MRPS23: variants seen among roughly 807,000 people sequenced by gnomAD.
The protein encoded by MRPS23 is small ribosomal subunit protein mS23.
Under a neutral mutation model 19.8 loss-of-function variants are expected in MRPS23, and 14 were observed. The observed-to-expected ratio is 0.71, with a 90% confidence interval of 0.47 to 1.11. The LOEUF is 1.11. Ranked by LOEUF, MRPS23 falls within the 50% of genes least tolerant of loss-of-function variation. The pLI, the probability that MRPS23 is intolerant of heterozygous loss-of-function variation, is 0.00. For synonymous variants in MRPS23, 113 were observed against 89.7 expected (o/e 1.26, Z -1.47); for missense variants, 242 against 236.7 (o/e 1.02, Z -0.15).
rs370017635 is a variant in MRPS23 at position 57,834,986 on chromosome 17, G to A, written c.*4797C>T. 9.8e-5 allele frequency: 15 copies of A among 152,306 alleles called. No homozygotes were observed. Among genetic ancestry groups the A allele is most frequent in the African/African-American group, 2.6e-4 (11 of 41,570 alleles). The allele number at this position is 152,306 out of a possible 1,614,324, so 9.4% of individuals were successfully genotyped here. The stretch of plus-strand genomic sequence containing the variant: ...TCAGGCCTACCCAATAAAGGCAGAG[G>A]CAGAGCTCTATAAAATTTGGTGAAT... On this transcript the variant is annotated 3_prime_UTR_variant, in exon 5 of 5. Coordinates refer to ENST00000313608, the MANE Select transcript of MRPS23 (RefSeq NM_016070.4).
chr17:57,846,084 T>TTG (rs2073771133), intron 2 of MRPS23, among the ~76,000 whole-genome samples: 2 of 204 alleles, frequency 9.8e-3, no homozygotes, highest in Non-Finnish European at 0.042. Flanking sequence ...GACATCTTTG[T>TTG]TTTTTTTTTT....
chr17:57,848,708 T>C (rs1282307592), intron 2 of MRPS23: 2 of 149,476 alleles, frequency 1.3e-5, no homozygotes, highest in Non-Finnish European at 3.0e-5. Flanking sequence ...TTCATCTGAG[T>C]GGCTTCAAAG....
Position 57,840,943 on chromosome 17 carries a change from C to T in MRPS23, c.403G>A (p.Val135Ile). The T allele has an allele frequency of 6.2e-7, 1 of 1,614,180 alleles. No homozygotes were observed. The highest frequency in any genetic ancestry group is 1.1e-5 in the South Asian group (1 of 91,070). Reference sequence around the variant, plus strand: ...ATACTCACAGTCCTTGCTTCGCCTACTCGTCTTAAAATGACACCTTCTGCC... The same window carrying T: ...ATACTCACAGTCCTTGCTTCGCCTATTCGTCTTAAAATGACACCTTCTGCC... ...LLAEGVILRRVGEARTQHGGS... is the reference protein window; with the variant it reads ...LLAEGVILRRIGEARTQHGGS... Residue 135 changes from valine to isoleucine, a missense_variant, in exon 4 of 5, where the codon GTA becomes ATA. Coordinates refer to ENST00000313608, the MANE Select transcript of MRPS23 (RefSeq NM_016070.4).
intron 2 of MRPS23, among the ~76,000 whole-genome samples, chr17:57,844,151 G>A (rs979265602): frequency 3.4e-5 from 5 of 146,946 alleles, no homozygotes; most frequent in African/African-American, 1.3e-4. Flanking sequence ...TAAGAGATGG[G>A]GTCTTGCCAT....
intron 2 of MRPS23, among the ~76,000 whole-genome samples, chr17:57,842,889 T>TATAC (rs1200368403): frequency 3.0e-5 from 3 of 98,408 alleles, no homozygotes; most frequent in African/African-American, 1.3e-4. Context: ...AATATATATA[T>TATAC]ATACACACAC....
chr17:57,847,506 C>T (rs2073783982), intron 2 of MRPS23, among the ~76,000 whole-genome samples: 2 of 150,582 alleles, frequency 1.3e-5, no homozygotes, highest in African/African-American at 4.9e-5. Context: ...ACTAAAAATA[C>T]AAAAAATTAG....
At chr17:57,844,746 GGAGA>G (rs1042074491) in intron 2 of MRPS23, among the ~76,000 whole-genome samples, 1 of 146,830 alleles carries the variant, frequency 6.8e-6, no homozygotes, top group Non-Finnish European at 1.5e-5. Flanking sequence ...CTCCAGCCTG[GGAGA>G]GAGAGAGAGA....
intron 1 of MRPS23, 117 bp from the exon 2 acceptor site, chr17:57,849,527 G>T: frequency 8.1e-7 from 1 of 1,231,518 alleles, no homozygotes; most frequent in South Asian, 1.5e-5. Flanking sequence ...CACAGAACGG[G>T]GAAGGACTGC....
Position 57,839,224 on chromosome 17 carries a change from T to TA in MRPS23, c.*558dup, listed in dbSNP as rs1300695866. 1.4e-4 allele frequency: 22 copies of TA among 152,826 alleles called. No individual in the cohort carries two copies. The highest frequency in any genetic ancestry group is 5.3e-4 in the African/African-American group (22 of 41,464). The allele number at this position is 152,826 out of a possible 1,614,324, so 9.5% of individuals were successfully genotyped here. On this transcript the variant is annotated 3_prime_UTR_variant, in exon 5 of 5. Transcript: ENST00000313608. The stretch of plus-strand genomic sequence containing the variant: ...CACACTCAATCCATGACATTAAAGT[T>TA]ACAGTTTTGGTCTTTGTGTATCAGC...
Position 57,836,208 on chromosome 17 carries a change from A to G in MRPS23, c.*3575T>C, listed in dbSNP as rs2685489. The stretch of plus-strand genomic sequence containing the variant: ...GACTTCAAGTGATCTACCCATCTTG[A>G]CTTCCCAAAGTGCTGGGATTACATG... On this transcript the variant is annotated 3_prime_UTR_variant, in exon 5 of 5. Transcript: ENST00000313608. 149,629 of 152,200 alleles carry G rather than the reference A, an allele frequency of 0.98. 73,598 individuals carry two copies. Among genetic ancestry groups the G allele is most frequent in the East Asian group, 1 (5,164 of 5,164 alleles). 9.4% of individuals were successfully genotyped at this position (152,200 alleles called of 1,614,324 possible).
intron 2 of MRPS23, among the ~76,000 whole-genome samples, chr17:57,843,268 CAAAAA>C (rs11290064): frequency 1.4e-5 from 2 of 138,332 alleles, no homozygotes. Flanking sequence ...GATCCTGCCT[CAAAAA>C]AAAAAAAAAA....
At position 57,835,952 on chromosome 17, in the gene MRPS23, C is replaced by CTTTTTTTTTT. The variant is rs11304363; in HGVS notation, c.*3821_*3830dup. On this transcript the variant is annotated 3_prime_UTR_variant, in exon 5 of 5. Transcript: ENST00000313608. ...ATAAGAATTTCTGCCCTCCTTTATACTTTTTTTTTTTTTTTTTTTGAGACA... is the reference window on the plus strand; with the variant it reads ...ATAAGAATTTCTGCCCTCCTTTATACTTTTTTTTTTTTTTTTTTTTTTTTTTTTTGAGACA... 1.5e-5 allele frequency: 2 copies of CTTTTTTTTTT among 135,256 alleles called. No homozygotes were observed. Among genetic ancestry groups the CTTTTTTTTTT allele is most frequent in the Non-Finnish European group, 1.6e-5 (1 of 62,630 alleles). The allele number at this position is 135,256 out of a possible 1,614,324, so 8.4% of individuals were successfully genotyped here.
At chr17:57,841,299 T>C (rs147282209) in intron 2 of MRPS23, 39 bp from the exon 3 acceptor site, 37,728 of 1,579,834 alleles carry the variant, frequency 0.024, 554 homozygotes, top group Middle Eastern at 0.045. Flanking sequence ...TCTCCGATTA[T>C]AGACTGTGGA....
rs9908668 is a variant in MRPS23, at chr17:57,838,579, C to T, written c.*1204G>A. ...TGGTCTCAATGGTTGTGTAATGTCT[C>T]TGAATGGATGAAATTTACTTCCCTA... On this transcript the variant is annotated 3_prime_UTR_variant, in exon 5 of 5. Transcript: ENST00000313608. 0.65 allele frequency: 98,975 copies of T among 151,950 alleles called. 32,875 individuals carry two copies. The highest frequency in any genetic ancestry group is 0.97 in the East Asian group (4,991 of 5,172). The allele number at this position is 151,950 out of a possible 1,614,324, so 9.4% of individuals were successfully genotyped here. A position where few individuals can be genotyped will look rare whatever the true frequency, so the allele number is the denominator to read the frequency against.
intron 2 of MRPS23, among the ~76,000 whole-genome samples, chr17:57,847,907 A>G (rs2073787175): frequency 6.6e-6 from 1 of 151,894 alleles, no homozygotes. Flanking sequence ...ATATTGCCCA[A>G]GGTGGTCTCG....
At chr17:57,848,389 T>C (rs1393490948) in intron 2 of MRPS23, among the ~76,000 whole-genome samples, 1 of 151,976 alleles carries the variant, frequency 6.6e-6, no homozygotes, top group Non-Finnish European at 1.5e-5. Context: ...TTCCTTCAAA[T>C]TCCTAGTGAT....
In MRPS23 at chr17:57,838,431, G is replaced by A. The variant is rs1425893671; in HGVS notation, c.*1352C>T. ...TTCATCATTGTGGCAAAAAAAACCT[G>A]CCCTTAAAAAACCAGAAACCTAAGG... On this transcript the variant is annotated 3_prime_UTR_variant, in exon 5 of 5. Transcript: ENST00000313608. 1 of 151,064 alleles carries A rather than the reference G, an allele frequency of 6.6e-6. No individual in the cohort carries two copies. The highest frequency in any genetic ancestry group is 1.5e-5 in the Non-Finnish European group (1 of 67,904). The allele number at this position is 151,064 out of a possible 1,614,324, so 9.4% of individuals were successfully genotyped here.
At position 57,841,196 on chromosome 17, in the gene MRPS23, A is replaced by T. The variant is rs746831561; in HGVS notation, c.280T>A (p.Ser94Thr). 1.2e-6 allele frequency: 2 copies of T among 1,614,186 alleles called. No individual in the cohort carries two copies. The highest frequency in any genetic ancestry group is 1.6e-4 in the Middle Eastern group (1 of 6,062). Reference protein sequence around the residue: ...AFDLFNPNFKSTCQRFVEKYT... With the variant: ...AFDLFNPNFKTTCQRFVEKYT... ...AAAATGGCTTACCGTTGACAGGTAGACTTGAAGTTTGGATTGAATAGATCA... is the reference window on the plus strand; with the variant it reads ...AAAATGGCTTACCGTTGACAGGTAGTCTTGAAGTTTGGATTGAATAGATCA... The change falls in exon 3 of 5, where the codon TCT becomes ACT. Residue 94 changes from serine (S) to threonine (T), a missense_variant. Transcript: ENST00000313608.
intron 2 of MRPS23, among the ~76,000 whole-genome samples, chr17:57,844,920 C>A (rs1483435175): frequency 6.6e-6 from 1 of 151,694 alleles, no homozygotes; most frequent in East Asian, 1.9e-4. Flanking sequence ...ATTTTTGAGT[C>A]GGAGTCTCAC....
Sources: allele counts gnomAD v4.1 joint callset (sites outside exome capture counted in the v4.1 genomes callset), GRCh38; gene constraint gnomAD v4.1.1; transcripts MANE v1.5; gene names NCBI Gene and HGNC (gene_info 2026-07-23, HGNC 2026-07-21).